LCORL: variants seen among roughly 807,000 people sequenced by gnomAD.
LCORL encodes the protein ligand-dependent nuclear receptor corepressor-like protein.
In LCORL, 41 loss-of-function variants were observed where a neutral mutation model predicts 141.8. The ratio of observed to expected loss-of-function variants is 0.29; its 90% CI spans 0.23 to 0.38. The LOEUF is 0.38. LCORL is among the 10% of genes least tolerant of loss of function. The probability of loss-of-function intolerance (pLI) is 1.00; values close to 1 mark genes in which losing one functional copy is unlikely to be tolerated. For synonymous variants in LCORL, 618 were observed against 694.1 expected, an observed-to-expected ratio of 0.89 and a Z score of 1.72; for missense variants, 1,759 against 2,035.0, an observed-to-expected ratio of 0.86 and a Z score of 2.61.
intron 1 of LCORL, among the ~76,000 whole-genome samples, chr4:17,994,111 T>A (rs1720507526): frequency 6.6e-6 from 1 of 152,188 alleles, no homozygotes; most frequent in African/African-American, 2.4e-5. Flanking sequence ...AAACAAAGAC[T>A]TAGAGAAGAT....
rs149648905 is a variant in LCORL at position 17,900,506 on chromosome 4, G to A, written c.682+8588C>T. Among the ~76,000 whole-genome samples the A allele has an allele frequency of 7.7e-3, 1,179 of 152,182 alleles. 6 individuals carry two copies. Among genetic ancestry groups the A allele is most frequent in the Non-Finnish European group, 0.014 (956 of 67,980 alleles). ...CTTCTTTATGGAGGTCTTCCTCAAC[G>A]ATCTTATCTAAAATAACCTCTCAGT... On this transcript the variant is annotated intron_variant, in intron 5 of 7. Transcript: ENST00000635767.
intron 2 of LCORL, among the ~76,000 whole-genome samples, chr4:17,969,017 T>G (rs1715451436): frequency 6.6e-6 from 1 of 152,228 alleles, no homozygotes; most frequent in South Asian, 2.1e-4. Context: ...CTATTCATAT[T>G]TTTGTAAATA....
intron 1 of LCORL, among the ~76,000 whole-genome samples, chr4:18,007,227 C>T (rs1722967847): frequency 6.6e-6 from 1 of 152,124 alleles, no homozygotes; most frequent in Non-Finnish European, 1.5e-5. Context: ...ATTGCCTTAT[C>T]TATAAAGTAG....
At chr4:17,948,664 A>G (rs1739260570) in intron 4 of LCORL, among the ~76,000 whole-genome samples, 1 of 151,986 alleles carries the variant, frequency 6.6e-6, no homozygotes, top group Non-Finnish European at 1.5e-5. Context: ...GAGAATGCAT[A>G]AAATTAAAAG....
intron 5 of LCORL, among the ~76,000 whole-genome samples, chr4:17,892,068 A>C (rs1729161589): frequency 6.6e-6 from 1 of 152,208 alleles, no homozygotes; most frequent in African/African-American, 2.4e-5. Context: ...ACTGCAAATA[A>C]AATTGTTTTG....
At chr4:17,991,968 G>A (rs1191175048) in intron 1 of LCORL, among the ~76,000 whole-genome samples, 2 of 152,118 alleles carry the variant, frequency 1.3e-5, no homozygotes. Context: ...AGAGAGTAAT[G>A]GATACCTAAA....
intron 7 of LCORL, among the ~76,000 whole-genome samples, chr4:17,860,925 T>C (rs536460815): frequency 2.6e-5 from 4 of 152,294 alleles, no homozygotes; most frequent in Non-Finnish European, 5.9e-5. Flanking sequence ...GTTGATATAA[T>C]AGGTGGGTTA....
At position 17,939,449 on chromosome 4, in the gene LCORL, C is replaced by A. The variant is rs532649884; in HGVS notation, c.430+22454G>T. On this transcript the variant is annotated intron_variant, in intron 4 of 7. Coordinates refer to ENST00000635767, the Ensembl canonical transcript of LCORL. ...AATATACATTGATCCCATAACCCAG[C>A]AATTCTACTCATAGGTATTTTCCCA... is the stretch of plus-strand genomic sequence containing the variant. Among the ~76,000 whole-genome samples the A allele has an allele frequency of 3.9e-5, 6 of 152,212 alleles. No homozygotes were observed. The South Asian group carries it at 1.2e-3, about 32-fold the overall frequency.
rs761784734 is a variant in LCORL at position 17,897,213 on chromosome 4, CTTTTTTTTTTTTTTTTTTTTTT to C, written c.683-11074_683-11053del. 1.7e-4 allele frequency among the ~76,000 whole-genome samples: 11 copies of C among 63,986 alleles called. 1 individual carries two copies. The highest frequency in any genetic ancestry group is 7.5e-4 in the Admixed American group (3 of 4,014). The allele number at this position is 63,986 out of a possible 152,430, so 42.0% of individuals were successfully genotyped here. A position where few individuals can be genotyped will look rare whatever the true frequency, so the allele number is the denominator to read the frequency against. On this transcript the variant is annotated intron_variant, in intron 5 of 7. Transcript: ENST00000635767. ...AGACTTCTCTTTGATATACTGATTT[CTTTTTTTTTTTTTTTTTTTTTT>C]TTTTTTTTTTTTTTTTAGGGTATAT...
At chr4:17,880,343 T>G (rs1727397518) in intron 6 of LCORL, 5 of 609,586 alleles carry the variant, frequency 8.2e-6, no homozygotes, top group African/African-American at 2.0e-5. Flanking sequence ...CATATAAATA[T>G]CCAGTCTAGA....
At chr4:17,951,227 CATT>C (rs1256728898) in intron 4 of LCORL, among the ~76,000 whole-genome samples, 1 of 152,170 alleles carries the variant, frequency 6.6e-6, no homozygotes, top group Non-Finnish European at 1.5e-5. Flanking sequence ...TATTGACGAT[CATT>C]AATTATCTAA....
intron 5 of LCORL, among the ~76,000 whole-genome samples, chr4:17,895,187 T>C (rs752236810): frequency 6.6e-6 from 1 of 152,106 alleles, no homozygotes; most frequent in Non-Finnish European, 1.5e-5. Context: ...ACATTCAAAA[T>C]ATTCTTTTAG....
intron 1 of LCORL, among the ~76,000 whole-genome samples, chr4:17,991,068 G>A (rs1035941622): frequency 2.0e-5 from 3 of 152,162 alleles, no homozygotes; most frequent in Middle Eastern, 3.4e-3. Context: ...TTTTATAGAA[G>A]AGCCTAAGGA....
chr4:17,844,152 A>G (rs1309754156), exon 8 of LCORL: 1 of 152,016 alleles, frequency 6.6e-6, no homozygotes, highest in African/African-American at 2.4e-5. Flanking sequence ...ACTGTGGATA[A>G]TAATTCTAGT....
intron 2 of LCORL, among the ~76,000 whole-genome samples, chr4:17,967,946 C>T (rs1715234627): frequency 6.6e-6 from 1 of 151,896 alleles, no homozygotes; most frequent in African/African-American, 2.4e-5. Context: ...CAACCTCTGC[C>T]TCCCAGGTTC....
Position 17,916,398 on chromosome 4 carries a change from A to T in LCORL, c.431-7053T>A, listed in dbSNP as rs77432749. On this transcript the variant is annotated intron_variant, in intron 4 of 7. Transcript: ENST00000635767. ...TAATAATGGGGCAGATCCCTCATGA[A>T]TGACTTAGCCCCATCCCCTTGCTGA... Among the ~76,000 whole-genome samples, 1,256 of 152,256 alleles carry T rather than the reference A, an allele frequency of 8.2e-3. 5 individuals carry two copies. Among genetic ancestry groups the T allele is most frequent in the African/African-American group, 0.028 (1,152 of 41,562 alleles).
intron 2 of LCORL, among the ~76,000 whole-genome samples, chr4:17,971,662 C>T (rs1026203373): frequency 4.0e-5 from 6 of 151,358 alleles, no homozygotes; most frequent in African/African-American, 1.5e-4. Flanking sequence ...CTCAAAATTG[C>T]ATTAATACAC....
At chr4:17,897,464 C>T (rs1385949170) in intron 5 of LCORL, among the ~76,000 whole-genome samples, 3 of 151,558 alleles carry the variant, frequency 2.0e-5, no homozygotes, top group African/African-American at 7.3e-5. Flanking sequence ...AGCCAACATT[C>T]TTCAAGAATT....
intron 4 of LCORL, among the ~76,000 whole-genome samples, chr4:17,918,777 CA>C (rs1480067077): frequency 6.6e-6 from 1 of 151,820 alleles, no homozygotes; most frequent in Non-Finnish European, 1.5e-5. Context: ...AAAGAAGAGA[CA>C]AAAGTAGAAA....
Sources: gnomAD v4.1 joint callset for allele counts (sites outside exome capture counted in the v4.1 genomes callset) on GRCh38, gnomAD v4.1.1 for gene constraint, MANE v1.5 for transcripts, NCBI Gene and HGNC (gene_info 2026-07-23, HGNC 2026-07-21) for gene names.